CHCHD3: variants seen among roughly 807,000 people sequenced by gnomAD.
CHCHD3 encodes coiled-coil-helix-coiled-coil-helix domain containing 3.
Under a neutral mutation model 38.2 loss-of-function variants are expected in CHCHD3, and 20 were observed. The observed-to-expected ratio is 0.52, with a 90% confidence interval of 0.37 to 0.76. CHCHD3 has a LOEUF of 0.76. CHCHD3 is among the 30% of genes least tolerant of loss of function. The pLI is 0.00. For missense variants in CHCHD3, 245 were observed against 279.2 expected (o/e 0.88, Z 0.87); for synonymous variants, 82 against 100.0 (o/e 0.82, Z 1.07).
chr7:132,806,842 A>G (rs943170793), intron 6 of CHCHD3, among the ~76,000 whole-genome samples: 41 of 152,280 alleles, frequency 2.7e-4, no homozygotes, highest in Non-Finnish European at 4.4e-4. Flanking sequence ...GATGTCAGGG[A>G]AGGTAGTGTG....
chr7:132,974,767 G>A (rs1046529843), intron 4 of CHCHD3, among the ~76,000 whole-genome samples: 3 of 152,014 alleles, frequency 2.0e-5, no homozygotes, highest in Admixed American at 6.5e-5. Context: ...TCAGCTACTC[G>A]GGAGGCTGAG....
chr7:132,814,118 G>A (rs907941599), intron 6 of CHCHD3, among the ~76,000 whole-genome samples: 12 of 152,150 alleles, frequency 7.9e-5, no homozygotes, highest in Admixed American at 4.6e-4. Context: ...CAAGTTGGAC[G>A]TTTCAAGAAT....
At chr7:132,828,439 T>C (rs902594402) in intron 6 of CHCHD3, among the ~76,000 whole-genome samples, 1 of 152,204 alleles carries the variant, frequency 6.6e-6, no homozygotes, top group Non-Finnish European at 1.5e-5. Context: ...ATTTTCCTAA[T>C]GATGTCTTAA....
chr7:132,975,097 T>G, intron 4 of CHCHD3, 72 bp downstream of exon 4: 4 of 1,132,994 alleles, frequency 3.5e-6, no homozygotes, highest in Non-Finnish European at 4.0e-6. Flanking sequence ...TGGCACAGAG[T>G]ACTTAGCTCT....
intron 4 of CHCHD3, among the ~76,000 whole-genome samples, chr7:132,902,829 A>C (rs1809703993): frequency 6.6e-6 from 1 of 152,192 alleles, no homozygotes; most frequent in Non-Finnish European, 1.5e-5. Flanking sequence ...AATAAAAATA[A>C]AAAATAATAA....
At chr7:133,062,165 G>A (rs1814536825) in intron 2 of CHCHD3, among the ~76,000 whole-genome samples, 1 of 151,896 alleles carries the variant, frequency 6.6e-6, no homozygotes, top group Admixed American at 6.6e-5. Flanking sequence ...GCTGACAGCT[G>A]GAAAGTCAAT....
chr7:132,886,889 G>T, intron 4 of CHCHD3: 1 of 819,158 alleles, frequency 1.2e-6, no homozygotes, highest in East Asian at 3.4e-5. Context: ...GTCTGTTTCA[G>T]ATGTCAAGGT....
At chr7:132,786,008 T>C (rs73441221) in intron 7 of CHCHD3, among the ~76,000 whole-genome samples, 13,043 of 152,008 alleles carry the variant, frequency 0.086, 607 homozygotes, top group African/African-American at 0.12. Flanking sequence ...TGAAACCCAA[T>C]CTCTACCAAA....
intron 3 of CHCHD3, among the ~76,000 whole-genome samples, chr7:132,985,463 G>C (rs1251709554): frequency 3.1e-4 from 16 of 52,068 alleles, no homozygotes; most frequent in South Asian, 6.0e-4. Flanking sequence ...GAAGAGAGGA[G>C]CCCCTCTGCC....
intron 5 of CHCHD3, among the ~76,000 whole-genome samples, chr7:132,859,179 T>C (rs966630870): frequency 5.9e-5 from 9 of 152,196 alleles, no homozygotes; most frequent in South Asian, 2.1e-4. Context: ...TAGCCTCTAA[T>C]TGAATACTAT....
intron 5 of CHCHD3, among the ~76,000 whole-genome samples, chr7:132,857,267 T>C (rs1808364274): frequency 6.6e-6 from 1 of 152,074 alleles, no homozygotes; most frequent in African/African-American, 2.4e-5. Context: ...CATTGAACTT[T>C]AACGTGTAAA....
intron 4 of CHCHD3, among the ~76,000 whole-genome samples, chr7:132,939,539 G>A (rs542098621): frequency 2.5e-4 from 38 of 152,226 alleles, no homozygotes; most frequent in African/African-American, 7.2e-4. Context: ...TGTAGTAGCC[G>A]ATGCCACCTA....
At chr7:132,953,613 C>T (rs111956169) in intron 4 of CHCHD3, among the ~76,000 whole-genome samples, 3 of 152,292 alleles carry the variant, frequency 2.0e-5, no homozygotes, top group African/African-American at 4.8e-5. Context: ...AGCAGGTCTG[C>T]TCAACTTAGG....
In CHCHD3 at chr7:132,973,245, T is replaced by C. The variant is rs190629945; in HGVS notation, c.369+1924A>G. The stretch of plus-strand genomic sequence containing the variant: ...AGGCAAAGAGAAATGCCAACCAAGG[T>C]ATTCTTCTGCCCGCTGGAAACTAAG... On this transcript the variant is annotated intron_variant, in intron 4 of 7. Coordinates refer to ENST00000262570, the MANE Select transcript of CHCHD3 (RefSeq NM_017812.4). The C allele has an allele frequency of 1.3e-5, 13 of 985,342 alleles. No individual in the cohort carries two copies. The East Asian group carries it at 1.5e-3, about 112-fold the overall frequency. The allele number at this position is 985,342 out of a possible 1,614,324, so 61.0% of individuals were successfully genotyped here. A position where few individuals can be genotyped will look rare whatever the true frequency, so the allele number is the denominator to read the frequency against.
At chr7:132,980,990 T>G (rs890821385) in intron 3 of CHCHD3, among the ~76,000 whole-genome samples, 6 of 152,114 alleles carry the variant, frequency 3.9e-5, no homozygotes, top group Non-Finnish European at 8.8e-5. Flanking sequence ...AGTTTTTTTG[T>G]TTTTTGTTTT....
intron 4 of CHCHD3, among the ~76,000 whole-genome samples, chr7:132,925,876 T>C (rs1177089431): frequency 6.6e-6 from 1 of 152,182 alleles, no homozygotes; most frequent in Non-Finnish European, 1.5e-5. Context: ...CAAATGTATA[T>C]TCACAAGGAA....
intron 2 of CHCHD3, among the ~76,000 whole-genome samples, chr7:133,025,697 C>G (rs1010665948): frequency 1.3e-5 from 2 of 152,054 alleles, no homozygotes; most frequent in Non-Finnish European, 2.9e-5. Flanking sequence ...GTAGAGATGG[C>G]GTTTCATCAT....
At chr7:132,878,398 C>T (rs1254125993) in intron 5 of CHCHD3, among the ~76,000 whole-genome samples, 1 of 152,018 alleles carries the variant, frequency 6.6e-6, no homozygotes, top group Non-Finnish European at 1.5e-5. Context: ...ACAGATGAGC[C>T]CAACACTTTA....
Position 132,834,653 on chromosome 7 carries a change from T to C in CHCHD3, c.524+3746A>G, listed in dbSNP as rs538085262. Among the ~76,000 whole-genome samples, 8 of 152,284 alleles carry C rather than the reference T, an allele frequency of 5.3e-5. No individual in the cohort carries two copies. The East Asian group carries it at 1.5e-3, about 29-fold the overall frequency. The stretch of plus-strand genomic sequence containing the variant: ...GTTATGGTTTACTATAGGGCAATGA[T>C]ACAGAAAATCAGCCAAAGGAAGAGA... On this transcript the variant is annotated intron_variant, in intron 6 of 7. Coordinates refer to ENST00000262570, the MANE Select transcript of CHCHD3 (RefSeq NM_017812.4).
Sources: allele counts gnomAD v4.1 joint callset (sites outside exome capture counted in the v4.1 genomes callset), GRCh38; gene constraint gnomAD v4.1.1; transcripts MANE v1.5; gene names NCBI Gene and HGNC (gene_info 2026-07-23, HGNC 2026-07-21).